Variants in MRPS27 observed in about 807,000 individuals in gnomAD.
MRPS27 encodes small ribosomal subunit protein mS27.
MRPS27 carries 43 observed loss-of-function variants against 48.9 expected under a neutral mutation model. That is an observed-to-expected ratio of 0.88 (90% CI 0.69 to 1.13). The LOEUF (loss-of-function observed/expected upper bound fraction) is 1.13, where lower values mean the gene tolerates loss of function less well. Among genes scored for constraint, MRPS27 ranks in the 50% most tolerant of loss-of-function variants. MRPS27 has a pLI of 0.00. For synonymous variants in MRPS27, 188 were observed against 171.9 expected, an observed-to-expected ratio of 1.09 and a Z score of -0.73; for missense variants, 467 against 476.3, an observed-to-expected ratio of 0.98 and a Z score of 0.18.
At chr5:72,230,390 T>C (rs767327859) in intron 7 of MRPS27, among the ~76,000 whole-genome samples, 2 of 152,214 alleles carry the variant, frequency 1.3e-5, no homozygotes, top group Non-Finnish European at 2.9e-5. Context: ...CCTCTAATCA[T>C]TCTACAATCC....
At chr5:72,224,150 CCCAGGAGT>C (rs1402003174) in intron 9 of MRPS27, among the ~76,000 whole-genome samples, 1 of 151,566 alleles carries the variant, frequency 6.6e-6, no homozygotes, top group East Asian at 1.9e-4. Flanking sequence ...ATTGCTTGAG[CCCAGGAGT>C]TTGAGACCAG....
intron 4 of MRPS27, among the ~76,000 whole-genome samples, chr5:72,281,909 A>C (rs768549745): frequency 3.9e-5 from 6 of 152,192 alleles, no homozygotes; most frequent in Non-Finnish European, 8.8e-5. Context: ...TGAACTATGT[A>C]ACAGCCAGTG....
chr5:72,310,767 C>G (rs545576253), intron 2 of MRPS27, among the ~76,000 whole-genome samples: 1 of 152,322 alleles, frequency 6.6e-6, no homozygotes, highest in Non-Finnish European at 1.5e-5. Flanking sequence ...ATTAAAGTCT[C>G]TCTCCGAGAA....
chr5:72,264,470 T>C (rs1299679091), intron 4 of MRPS27, among the ~76,000 whole-genome samples: 3 of 152,104 alleles, frequency 2.0e-5, no homozygotes, highest in African/African-American at 4.8e-5. Context: ...AAAATATAGG[T>C]TGAAGTTCTA....
chr5:72,252,327 TG>T (rs1748688430), intron 4 of MRPS27, among the ~76,000 whole-genome samples: 2 of 140,214 alleles, frequency 1.4e-5, no homozygotes, highest in African/African-American at 6.7e-5. Context: ...CTAAAGAACT[TG>T]CTTTTTTTTT....
At chr5:72,245,376 G>C (rs1049738839) in intron 4 of MRPS27, among the ~76,000 whole-genome samples, 9 of 152,148 alleles carry the variant, frequency 5.9e-5, no homozygotes, top group Non-Finnish European at 1.3e-4. Flanking sequence ...AAATATTTTG[G>C]TTTTTGAGTA....
chr5:72,275,554 A>G (rs1475318075), intron 4 of MRPS27, among the ~76,000 whole-genome samples: 1 of 152,234 alleles, frequency 6.6e-6, no homozygotes, highest in Admixed American at 6.5e-5. Flanking sequence ...TGGAACCCAA[A>G]AAGAGCCCAT....
In MRPS27 at chr5:72,223,766, G is replaced by A; in HGVS notation, c.922C>T (p.Gln308Ter). The change falls in exon 10 of 11, where the codon CAG (glutamine) becomes TAG (stop). Residue 308 changes from glutamine to a stop codon, truncating the protein, a stop_gained. Transcript: ENST00000261413. LOFTEE classifies it high-confidence loss of function. ...EEQSQNDEDN[Q>*]GSEKLVEQLD... ...TGCTCCACCAGTTTTTCTGACCCCT[G>A]GTTGTCTTCATCATTTTGGGACTGC... The A allele has an allele frequency of 1.1e-5, 17 of 1,614,004 alleles. No homozygotes were observed. The highest frequency in any genetic ancestry group is 1.4e-5 in the Non-Finnish European group (17 of 1,179,946).
At chr5:72,306,498 G>T (rs1750273644) in intron 2 of MRPS27, among the ~76,000 whole-genome samples, 1 of 152,156 alleles carries the variant, frequency 6.6e-6, no homozygotes, top group Non-Finnish European at 1.5e-5. Context: ...CAATAAGGAT[G>T]AAATCAGCAA....
intron 4 of MRPS27, among the ~76,000 whole-genome samples, chr5:72,248,027 C>A (rs1457003493): frequency 6.6e-6 from 1 of 152,062 alleles, no homozygotes; most frequent in African/African-American, 2.4e-5. Flanking sequence ...AAACAAAAAC[C>A]CTTAGTTGTT....
At chr5:72,264,712 C>T (rs1749066658) in intron 4 of MRPS27, among the ~76,000 whole-genome samples, 2 of 152,114 alleles carry the variant, frequency 1.3e-5, no homozygotes, top group African/African-American at 4.8e-5. Context: ...CCAAGGATTG[C>T]TAGCAACACC....
chr5:72,261,274 C>T (rs1279732714), intron 4 of MRPS27, among the ~76,000 whole-genome samples: 2 of 151,890 alleles, frequency 1.3e-5, no homozygotes, highest in African/African-American at 2.4e-5. Flanking sequence ...TATGTTGAGA[C>T]GGAGTCTCGT....
intron 4 of MRPS27, among the ~76,000 whole-genome samples, chr5:72,259,706 G>A (rs1748914375): frequency 6.6e-6 from 1 of 152,022 alleles, no homozygotes; most frequent in South Asian, 2.1e-4. Context: ...TGTTCAATAA[G>A]ATGCTTCTAT....
intron 5 of MRPS27, among the ~76,000 whole-genome samples, chr5:72,235,359 C>T (rs1465856723): frequency 1.3e-5 from 2 of 152,020 alleles, no homozygotes; most frequent in Admixed American, 6.6e-5. Flanking sequence ...AAAAAACAAA[C>T]AAACAAACAA....
chr5:72,291,635 T>C (rs936077111), intron 4 of MRPS27, among the ~76,000 whole-genome samples: 4 of 152,250 alleles, frequency 2.6e-5, no homozygotes, highest in Non-Finnish European at 5.9e-5. Flanking sequence ...CCTACATTCA[T>C]AAATGAAAGA....
At chr5:72,262,654 T>A (rs1749012938) in intron 4 of MRPS27, among the ~76,000 whole-genome samples, 1 of 151,742 alleles carries the variant, frequency 6.6e-6, no homozygotes, top group Non-Finnish European at 1.5e-5. Context: ...TGAAAGCAAG[T>A]GGACAGAAAA....
intron 5 of MRPS27, among the ~76,000 whole-genome samples, chr5:72,235,708 GA>G (rs1748185208): frequency 6.6e-6 from 1 of 152,160 alleles, no homozygotes; most frequent in African/African-American, 2.4e-5. Context: ...TAAAGATACT[GA>G]AAATGCAGGG....
chr5:72,260,391 T>C (rs1024881991), intron 4 of MRPS27, among the ~76,000 whole-genome samples: 2 of 152,232 alleles, frequency 1.3e-5, no homozygotes, highest in African/African-American at 4.8e-5. Context: ...TCCTAGGTTA[T>C]ATTTTCTGTC....
rs954457813 is a variant in MRPS27, at chr5:72,219,529, G to A, written c.*1380C>T. Reference sequence around the variant, plus strand: ...CCAAAGATAAAGAGTACACTAACATGATCCCGGAACATTTATTTCCAGAGG... The same window carrying A: ...CCAAAGATAAAGAGTACACTAACATAATCCCGGAACATTTATTTCCAGAGG... On this transcript the variant is annotated 3_prime_UTR_variant, in exon 11 of 11. Transcript: ENST00000261413. The A allele has an allele frequency of 6.6e-6, 1 of 152,138 alleles. No homozygotes were observed. Among genetic ancestry groups the A allele is most frequent in the Non-Finnish European group, 1.5e-5 (1 of 68,042 alleles). The allele number at this position is 152,138 out of a possible 1,614,324, so 9.4% of individuals were successfully genotyped here.
Sources: gnomAD v4.1 joint callset for allele counts (sites outside exome capture counted in the v4.1 genomes callset) on GRCh38, gnomAD v4.1.1 for gene constraint, MANE v1.5 for transcripts, NCBI Gene and HGNC (gene_info 2026-07-23, HGNC 2026-07-21) for gene names.